Variants in ZNF33B observed in about 807,000 individuals in gnomAD.
ZNF33B encodes the protein zinc finger protein 33B.
Under a neutral mutation model 45.8 loss-of-function variants are expected in ZNF33B, and 29 were observed. The observed-to-expected ratio is 0.63, with a 90% confidence interval of 0.47 to 0.86. The LOEUF is 0.86. Among genes scored for constraint, ZNF33B ranks in the 40% least tolerant of loss-of-function variants. ZNF33B has a pLI of 0.00. For synonymous variants in ZNF33B, 305 were observed against 307.8 expected, an observed-to-expected ratio of 0.99 and a Z score of 0.10; for missense variants, 831 against 909.9, an observed-to-expected ratio of 0.91 and a Z score of 1.12.
At chr10:42,599,689 C>T (rs769232493) in intron 4 of ZNF33B, among the ~76,000 whole-genome samples, 3 of 151,836 alleles carry the variant, frequency 2.0e-5, no homozygotes, top group Non-Finnish European at 4.4e-5. Flanking sequence ...TTATTTGTGT[C>T]GCATAAGAAA....
At chr10:42,605,848 C>T (rs1329514220) in intron 4 of ZNF33B, among the ~76,000 whole-genome samples, 1 of 152,146 alleles carries the variant, frequency 6.6e-6, no homozygotes, top group Non-Finnish European at 1.5e-5. Context: ...GTAATCCCAA[C>T]ACTTTGGGAG....
At chr10:42,633,891 C>A (rs1839166175) in intron 2 of ZNF33B, among the ~76,000 whole-genome samples, 3 of 146,572 alleles carry the variant, frequency 2.0e-5, no homozygotes, top group Admixed American at 2.0e-4. Context: ...ATCCCTTTAA[C>A]CTGGGAGGCA....
intron 4 of ZNF33B, among the ~76,000 whole-genome samples, chr10:42,624,887 A>G (rs1448091735): frequency 1.3e-5 from 2 of 152,296 alleles, no homozygotes; most frequent in East Asian, 3.9e-4. Flanking sequence ...TTTGAACCAC[A>G]GTTGACCTCA....
rs1186431939 is a variant in ZNF33B, at chr10:42,594,121, A to C, written c.829T>G (p.Phe277Val). 6.2e-7 allele frequency: 1 copy of C among 1,613,976 alleles called. No homozygotes were observed. Among genetic ancestry groups the C allele is most frequent in the East Asian group, 2.2e-5 (1 of 44,868 alleles). Reference sequence around the variant, plus strand: ...CATAAGAACTTCTCACAATCACTAAATTCATAGTGACTGTCCTTTGATGGA... The same window carrying C: ...CATAAGAACTTCTCACAATCACTAACTTCATAGTGACTGTCCTTTGATGGA... ...IPPSKDSHYE[F>V]SDCEKFLCVK... Residue 277 changes from phenylalanine to valine, a missense_variant, in exon 5 of 5, where the codon TTT (phenylalanine) becomes GTT (valine). Coordinates refer to ENST00000359467, the MANE Select transcript of ZNF33B (RefSeq NM_006955.3).
intron 4 of ZNF33B, among the ~76,000 whole-genome samples, chr10:42,619,321 G>T (rs142799830): frequency 0.017 from 2,549 of 152,210 alleles, 77 homozygotes; most frequent in African/African-American, 0.058. Flanking sequence ...ATCAATTGAA[G>T]GCCTGAAGAC....
At chr10:42,585,777 T>C (rs1377511305), downstream of ZNF33B, among the ~76,000 whole-genome samples, 10 of 152,230 alleles carry the variant, frequency 6.6e-5, no homozygotes, top group Non-Finnish European at 1.3e-4. Flanking sequence ...AAATAAATTT[T>C]TTGGCAAGTT....
Position 42,593,098 on chromosome 10 carries a change from AG to A in ZNF33B, c.1851del (p.Phe618SerfsTer15), listed in dbSNP as rs749836722. ...TGAGTGAGTTGTGACTTCTGGCAGA[AG>A]GTTTTTCCACATTCATTACATTCAT... ...KPYECNECGK[T>X]FCQKSQLTQH... On this transcript the variant is annotated frameshift_variant, in exon 5 of 5. Transcript: ENST00000359467. LOFTEE classifies it high-confidence loss of function. The A allele has an allele frequency of 1.2e-6, 2 of 1,613,998 alleles. No homozygotes were observed. The highest frequency in any genetic ancestry group is 1.7e-6 in the Non-Finnish European group (2 of 1,179,978).
Position 42,593,836 on chromosome 10 carries a change from G to A in ZNF33B, c.1114C>T (p.Leu372Phe). ...GTGTGTGATCTCTGATGTTTAGTGA[G>A]GTTTGACTTCTCCCAGAAAGTTTTT... ...CGKTFWEKSNLTKHQRSHTGE... is the reference protein window; with the variant it reads ...CGKTFWEKSNFTKHQRSHTGE... Residue 372 changes from leucine to phenylalanine, a missense_variant, in exon 5 of 5, where the codon CTC (leucine) becomes TTC (phenylalanine). Physicochemically the swap from Leu to Phe is conservative, Grantham distance 22. Coordinates refer to ENST00000359467, the MANE Select transcript of ZNF33B (RefSeq NM_006955.3). The A allele has an allele frequency of 6.2e-7, 1 of 1,614,068 alleles. No individual in the cohort carries two copies. The highest frequency in any genetic ancestry group is 8.5e-7 in the Non-Finnish European group (1 of 1,179,978).
At chr10:42,618,118 T>C (rs1314506418) in intron 4 of ZNF33B, among the ~76,000 whole-genome samples, 1 of 152,216 alleles carries the variant, frequency 6.6e-6, no homozygotes, top group Non-Finnish European at 1.5e-5. Context: ...ACTCTTGATA[T>C]CATTACCAGT....
At chr10:42,602,585 A>AT (rs1837674658) in intron 4 of ZNF33B, among the ~76,000 whole-genome samples, 1 of 152,156 alleles carries the variant, frequency 6.6e-6, no homozygotes, top group South Asian at 2.1e-4. Flanking sequence ...GCTTTGTTCT[A>AT]GGATGCACTT....
chr10:42,580,881 G>A (rs1182797968), intron 1 of ZNF33B, among the ~76,000 whole-genome samples: 5 of 151,348 alleles, frequency 3.3e-5, no homozygotes, highest in African/African-American at 4.9e-5. Flanking sequence ...GTAACAGAGC[G>A]AGACTGTCTC....
chr10:42,584,525 CTTTTT>C (rs200015044), downstream of ZNF33B, among the ~76,000 whole-genome samples: 1 of 143,894 alleles, frequency 6.9e-6, no homozygotes, highest in Non-Finnish European at 1.5e-5. Flanking sequence ...TTCCTTTGAG[CTTTTT>C]TTTTTTTTGA....
In ZNF33B at chr10:42,591,323, A is replaced by AC; in HGVS notation, c.*1289dup. On this transcript the variant is annotated 3_prime_UTR_variant, in exon 5 of 5. Coordinates refer to ENST00000359467, the MANE Select transcript of ZNF33B (RefSeq NM_006955.3). ...ACTTACGCTGAAGGCTGGAGTGTTC[A>AC]CATATGTACCCCAGGCAGTTCATGG... is the stretch of plus-strand genomic sequence containing the variant. 3 of 721,750 alleles carry AC rather than the reference A, an allele frequency of 4.2e-6. No individual in the cohort carries two copies. The highest frequency in any genetic ancestry group is 5.1e-6 in the Non-Finnish European group (3 of 589,770). The allele number at this position is 721,750 out of a possible 1,614,324, so 44.7% of individuals were successfully genotyped here. A position where few individuals can be genotyped will look rare whatever the true frequency, so the allele number is the denominator to read the frequency against.
Position 42,632,011 on chromosome 10 carries a change from G to A in ZNF33B, c.168C>T (p.His56=). The change falls in exon 4 of 5, where the codon CAC becomes CAT. Residue 56 remains histidine, a synonymous_variant. Coordinates refer to ENST00000359467, the MANE Select transcript of ZNF33B (RefSeq NM_006955.3). ...SNLVSVGYCA[H]KPEVIFRLEQ... ...CCAGCCTGAAGATCACCTCTGGTTT[G>A]TGAGCACAATACCCTGTTAACAGGA... 1 of 1,614,102 alleles carries A rather than the reference G, an allele frequency of 6.2e-7. No individual in the cohort carries two copies. The highest frequency in any genetic ancestry group is 8.5e-7 in the Non-Finnish European group (1 of 1,180,000).
chr10:42,578,494 G>C (rs1250337750), intron 1 of ZNF33B: 1 of 152,692 alleles, frequency 6.5e-6, no homozygotes, highest in Non-Finnish European at 1.5e-5. Context: ...TTGTTTTCAG[G>C]TTCCCTCTCC....
intron 1 of ZNF33B, chr10:42,582,900 T>C (rs1430464851): frequency 1.0e-5 from 5 of 477,726 alleles, no homozygotes; most frequent in African/African-American, 3.9e-5. Context: ...AACGTCTCTT[T>C]AGGCTGTTTC....
chr10:42,579,332 A>C (rs574776109), intron 1 of ZNF33B, among the ~76,000 whole-genome samples: 8 of 152,126 alleles, frequency 5.3e-5, no homozygotes, highest in Admixed American at 3.3e-4. Context: ...AGAGCGCAAC[A>C]GGTAGTTTTT....
At position 42,592,731 on chromosome 10, in the gene ZNF33B, T is replaced by C. The variant is rs1228557101; in HGVS notation, c.2219A>G (p.Gln740Arg). 3.7e-6 allele frequency: 6 copies of C among 1,614,168 alleles called. No individual in the cohort carries two copies. The highest frequency in any genetic ancestry group is 3.3e-5 in the Admixed American group (2 of 60,022). Residue 740 changes from glutamine to arginine, a missense_variant, in exon 5 of 5, where the codon CAG (glutamine) becomes CGG (arginine). Coordinates refer to ENST00000359467, the MANE Select transcript of ZNF33B (RefSeq NM_006955.3). The part of the protein sequence containing the change: ...FYRKSDLAKH[Q>R]RSHTGEKPYE... ...GGGCTTTTCCCCTGTATGTGATCTC[T>C]GATGTTTAGCAAGGTCTGATTTACG...
At chr10:42,575,188 A>AGAGT (rs1442608907) in intron 1 of ZNF33B, among the ~76,000 whole-genome samples, 1 of 152,222 alleles carries the variant, frequency 6.6e-6, no homozygotes, top group Non-Finnish European at 1.5e-5. Context: ...AGGACGACAC[A>AGAGT]GAGTGACTAT....
Sources: gnomAD v4.1 joint callset for allele counts (sites outside exome capture counted in the v4.1 genomes callset) on GRCh38, gnomAD v4.1.1 for gene constraint, MANE v1.5 for transcripts, NCBI Gene and HGNC (gene_info 2026-07-23, HGNC 2026-07-21) for gene names.